Variants in ZFHX3 observed in about 807,000 individuals in gnomAD.
The protein encoded by ZFHX3 is zinc finger homeobox 3, also known as zinc finger homeobox protein 3.
In ZFHX3, 42 loss-of-function variants were observed where a neutral mutation model predicts 279.1. That is an observed-to-expected ratio of 0.15 (90% CI 0.12 to 0.19). The LOEUF is 0.19. Ranked by LOEUF, ZFHX3 falls within the 10% of genes least tolerant of loss-of-function variation. The pLI, the probability that ZFHX3 is intolerant of heterozygous loss-of-function variation, is 1.00. For synonymous variants in ZFHX3, 2,293 were observed against 1,957.8 expected (o/e 1.17, Z -4.52); for missense variants, 4,981 against 4,754.0 (o/e 1.05, Z -1.40).
At chr16:73,104,722 GT>G (rs1324532276) in intron 7 of ZFHX3, among the ~76,000 whole-genome samples, 1 of 152,138 alleles carries the variant, frequency 6.6e-6, no homozygotes, top group African/African-American at 2.4e-5. Context: ...TTGACTTCAG[GT>G]ATAGGCCTGA....
At chr16:73,848,205 C>T (rs1961501146) in intron 1 of ZFHX3, among the ~76,000 whole-genome samples, 1 of 152,206 alleles carries the variant, frequency 6.6e-6, no homozygotes, top group East Asian at 1.9e-4. Flanking sequence ...GCTGGTCCTA[C>T]TCTCAGAACT....
intron 7 of ZFHX3, chr16:73,123,741 T>C (rs2144810925): frequency 6.6e-6 from 1 of 152,294 alleles, no homozygotes; most frequent in South Asian, 2.1e-4. Context: ...TTTAGGGGCA[T>C]TAAGAGGTAG....
intron 1 of ZFHX3, among the ~76,000 whole-genome samples, chr16:73,734,305 T>G (rs2053592041): frequency 6.6e-6 from 1 of 152,236 alleles, no homozygotes; most frequent in Non-Finnish European, 1.5e-5. Context: ...AATATTCTGA[T>G]GGAGCTACTC....
chr16:73,251,854 C>T (rs28550497), intron 5 of ZFHX3, among the ~76,000 whole-genome samples: 31,423 of 130,768 alleles, frequency 0.24, 4,088 homozygotes, highest in African/African-American at 0.36. Context: ...CACATACACA[C>T]CGCACACACG....
intron 1 of ZFHX3, among the ~76,000 whole-genome samples, chr16:73,704,020 C>G (rs2053278378): frequency 2.0e-5 from 3 of 152,148 alleles, no homozygotes; most frequent in Admixed American, 2.0e-4. Flanking sequence ...GTGTAGACAT[C>G]TGTAGATGTG....
At chr16:73,427,582 G>A (rs558821344) in intron 3 of ZFHX3, among the ~76,000 whole-genome samples, 1 of 152,156 alleles carries the variant, frequency 6.6e-6, no homozygotes, top group Non-Finnish European at 1.5e-5. Context: ...CCTGTGCCCT[G>A]CACGTTGGTG....
chr16:72,831,200 G>A (rs973785408), intron 4 of ZFHX3, among the ~76,000 whole-genome samples: 1 of 151,986 alleles, frequency 6.6e-6, no homozygotes, highest in Non-Finnish European at 1.5e-5. Context: ...GGTCTCAAAG[G>A]GTTTCTAAAA....
intron 3 of ZFHX3, among the ~76,000 whole-genome samples, chr16:72,910,661 TG>T (rs1321000783): frequency 6.6e-6 from 1 of 152,162 alleles, no homozygotes; most frequent in Non-Finnish European, 1.5e-5. Context: ...GATGGCAAAT[TG>T]GCAGTGGCTG....
intron 1 of ZFHX3, among the ~76,000 whole-genome samples, chr16:73,736,913 G>A (rs562610078): frequency 6.6e-6 from 1 of 152,324 alleles, no homozygotes; most frequent in East Asian, 1.9e-4. Flanking sequence ...CTTTATTCAT[G>A]GTCAATGCTG....
intron 5 of ZFHX3, among the ~76,000 whole-genome samples, chr16:73,187,181 G>T (rs369501558): frequency 1.7e-5 from 2 of 117,158 alleles, no homozygotes; most frequent in Non-Finnish European, 3.7e-5. Context: ...CACTCACTCA[G>T]TGGGAAATGT....
chr16:73,177,904 G>C (rs1967701178), intron 5 of ZFHX3, among the ~76,000 whole-genome samples: 1 of 152,150 alleles, frequency 6.6e-6, no homozygotes, highest in Admixed American at 6.5e-5. Context: ...GGCGCGGTAG[G>C]GAAAGAGCTG....
intron 1 of ZFHX3, among the ~76,000 whole-genome samples, chr16:73,687,033 T>TATATATATATATTTGCAGCTAA (rs1555532450): frequency 1.9e-5 from 1 of 51,892 alleles, no homozygotes; most frequent in South Asian, 7.2e-4. Context: ...TATATATATA[T>TATATATATATATTTGCAGCTAA]ATATATATAT....
intron 3 of ZFHX3, among the ~76,000 whole-genome samples, chr16:73,382,312 T>C (rs1567466869): frequency 1.3e-5 from 2 of 152,180 alleles, no homozygotes; most frequent in African/African-American, 2.4e-5. Context: ...ACGACGAAGA[T>C]GTTATACACA....
At chr16:73,885,810 T>G (rs2030327561) in intron 1 of ZFHX3, among the ~76,000 whole-genome samples, 1 of 152,162 alleles carries the variant, frequency 6.6e-6, no homozygotes, top group African/African-American at 2.4e-5. Context: ...AATTTCCCCT[T>G]CACTGCCCTG....
chr16:73,656,674 A>G (rs1449390971), intron 2 of ZFHX3, among the ~76,000 whole-genome samples: 5 of 152,216 alleles, frequency 3.3e-5, no homozygotes, highest in Non-Finnish European at 1.5e-5. Flanking sequence ...AACACAATAA[A>G]GTACTTCCAC....
intron 2 of ZFHX3, among the ~76,000 whole-genome samples, chr16:73,493,330 C>T (rs890802505): frequency 6.6e-6 from 1 of 152,036 alleles, no homozygotes. Flanking sequence ...TCTCATTATT[C>T]TTTTTTTTCC....
intron 5 of ZFHX3, among the ~76,000 whole-genome samples, chr16:73,145,375 T>G (rs976974730): frequency 6.6e-6 from 1 of 152,178 alleles, no homozygotes; most frequent in Non-Finnish European, 1.5e-5. Flanking sequence ...TGCTGGCTAA[T>G]AGAGTGTCAG....
At chr16:73,798,315 G>A (rs1041750528) in intron 1 of ZFHX3, among the ~76,000 whole-genome samples, 5 of 151,920 alleles carry the variant, frequency 3.3e-5, no homozygotes, top group Non-Finnish European at 7.4e-5. Flanking sequence ...AGATATTCTT[G>A]GAGAGATGCT....
chr16:73,854,281 T>C (rs1014540423), intron 1 of ZFHX3, among the ~76,000 whole-genome samples: 1 of 152,084 alleles, frequency 6.6e-6, no homozygotes, highest in African/African-American at 2.4e-5. Context: ...ATCCCAGAAC[T>C]ATGGGAGGCA....
Sources: allele counts gnomAD v4.1 joint callset (sites outside exome capture counted in the v4.1 genomes callset), GRCh38; gene constraint gnomAD v4.1.1; transcripts MANE v1.5; gene names NCBI Gene and HGNC (gene_info 2026-07-23, HGNC 2026-07-21).